The following C12orf56 variants were observed in gnomAD, a reference collection of about 807,000 sequenced individuals.
The protein encoded by C12orf56 is uncharacterized protein C12orf56.
Under a neutral mutation model 69.9 loss-of-function variants are expected in C12orf56, and 71 were observed. The observed-to-expected ratio is 1.02, with a 90% CI of 0.84 to 1.24. The LOEUF (loss-of-function observed/expected upper bound fraction) is 1.24. Among genes scored for constraint, C12orf56 ranks in the 50% most tolerant of loss-of-function variants. The pLI, the probability that C12orf56 is intolerant of heterozygous loss-of-function variation, is 0.00. For synonymous variants in C12orf56, 276 were observed against 274.1 expected (o/e 1.01, Z -0.07); for missense variants, 732 against 738.5 (o/e 0.99, Z 0.10).
intron 2 of C12orf56, among the ~76,000 whole-genome samples, chr12:64,336,977 C>G (rs943815501): frequency 2.0e-5 from 3 of 152,172 alleles, no homozygotes; most frequent in African/African-American, 7.2e-5. Flanking sequence ...GATGAGGAAA[C>G]TGAGACTCAT....
chr12:64,330,523 C>T (rs530797769), intron 3 of C12orf56, among the ~76,000 whole-genome samples: 1 of 152,256 alleles, frequency 6.6e-6, no homozygotes, highest in South Asian at 2.1e-4. Context: ...ATTGCTCAGA[C>T]TCATTCAGGA....
chr12:64,338,359 A>G, intron 2 of C12orf56: 1 of 637,438 alleles, frequency 1.6e-6, no homozygotes, highest in Non-Finnish European at 3.0e-6. Flanking sequence ...TGGAGTTGAG[A>G]TATATAATGG....
chr12:64,358,873 T>C (rs926342271), intron 1 of C12orf56, among the ~76,000 whole-genome samples: 3 of 152,144 alleles, frequency 2.0e-5, no homozygotes, highest in African/African-American at 7.2e-5. Context: ...AACAGAAACA[T>C]TTAATTCAAC....
At chr12:64,303,134 C>T (rs1216819889) in intron 6 of C12orf56, among the ~76,000 whole-genome samples, 1 of 151,660 alleles carries the variant, frequency 6.6e-6, no homozygotes, top group Non-Finnish European at 1.5e-5. Flanking sequence ...ATTAGCTGGG[C>T]GTGGTAGTGG....
chr12:64,304,890 C>T (rs926499398), intron 5 of C12orf56, among the ~76,000 whole-genome samples: 1 of 152,112 alleles, frequency 6.6e-6, no homozygotes, highest in East Asian at 1.9e-4. Context: ...TGCAAGGTAA[C>T]AGTAGGAAAG....
intron 1 of C12orf56, among the ~76,000 whole-genome samples, chr12:64,380,529 T>C (rs2039706569): frequency 1.3e-5 from 2 of 152,152 alleles, no homozygotes; most frequent in African/African-American, 4.8e-5. Context: ...ACATTTACCA[T>C]GGGAGATAGA....
At chr12:64,303,966 G>T (rs1371908641) in intron 5 of C12orf56, among the ~76,000 whole-genome samples, 187 bp from the exon 6 acceptor site, 5 of 152,054 alleles carry the variant, frequency 3.3e-5, no homozygotes, top group African/African-American at 4.8e-5. Flanking sequence ...TGTTTATTAC[G>T]CTCCAAACAT....
At chr12:64,328,702 AAAAAATATATATATATATATATAT>A (rs1197140909) in intron 3 of C12orf56, among the ~76,000 whole-genome samples, 3,298 of 26,444 alleles carry the variant, frequency 0.12, 293 homozygotes, top group Non-Finnish European at 0.16. Context: ...AAAAAAAAAA[AAAAAATATATATATATATATATAT>A]ATATATATAT....
intron 1 of C12orf56, among the ~76,000 whole-genome samples, chr12:64,367,599 G>C (rs1463707774): frequency 6.6e-6 from 1 of 150,406 alleles, no homozygotes; most frequent in Non-Finnish European, 1.5e-5. Context: ...TTTGCCTCCT[G>C]GGTTCAAGCG....
intron 1 of C12orf56, among the ~76,000 whole-genome samples, chr12:64,368,780 G>T (rs556041155): frequency 1.3e-5 from 2 of 152,278 alleles, no homozygotes; most frequent in South Asian, 4.1e-4. Flanking sequence ...CAGGAAATCT[G>T]ATTTCTAGTG....
At chr12:64,367,889 C>T (rs1397043364) in intron 1 of C12orf56, among the ~76,000 whole-genome samples, 2 of 150,990 alleles carry the variant, frequency 1.3e-5, no homozygotes, top group East Asian at 1.9e-4. Context: ...CTCACTGCAA[C>T]CTCTACCTCC....
intron 6 of C12orf56, among the ~76,000 whole-genome samples, chr12:64,295,023 C>T (rs1238549756): frequency 6.6e-6 from 1 of 151,888 alleles, no homozygotes; most frequent in African/African-American, 2.4e-5. Flanking sequence ...TCTGGGATTA[C>T]AGGTGCATGC....
intron 6 of C12orf56, among the ~76,000 whole-genome samples, chr12:64,289,641 C>T (rs2038262655): frequency 2.1e-5 from 1 of 48,482 alleles, no homozygotes; most frequent in African/African-American, 5.4e-5. Flanking sequence ...TGTTTATATG[C>T]TGGATTACAT....
chr12:64,359,346 C>T (rs1174758918), intron 1 of C12orf56, among the ~76,000 whole-genome samples: 1 of 152,130 alleles, frequency 6.6e-6, no homozygotes, highest in African/African-American at 2.4e-5. Context: ...TACAAAGGCT[C>T]CCATGTCACA....
At chr12:64,363,619 C>T (rs924629334) in intron 1 of C12orf56, among the ~76,000 whole-genome samples, 2 of 152,130 alleles carry the variant, frequency 1.3e-5, no homozygotes, top group Non-Finnish European at 2.9e-5. Flanking sequence ...TTCTCAATGC[C>T]GTGCCACCTA....
intron 2 of C12orf56, among the ~76,000 whole-genome samples, chr12:64,350,310 C>T (rs2039205768): frequency 6.6e-6 from 1 of 151,990 alleles, no homozygotes; most frequent in Non-Finnish European, 1.5e-5. Context: ...ATGACCTGTA[C>T]CCCAATAACC....
chr12:64,345,600 G>C (rs1467299224), intron 2 of C12orf56, among the ~76,000 whole-genome samples: 2 of 152,154 alleles, frequency 1.3e-5, no homozygotes, highest in East Asian at 1.9e-4. Context: ...TGCATGATAA[G>C]AGCTTGTGTC....
intron 3 of C12orf56, among the ~76,000 whole-genome samples, chr12:64,326,858 C>T (rs868512622): frequency 6.6e-6 from 1 of 152,194 alleles, no homozygotes; most frequent in African/African-American, 2.4e-5. Flanking sequence ...TATTTGTCCC[C>T]TCCAAAACTT....
At chr12:64,353,617 A>G (rs1386626599) in intron 1 of C12orf56, among the ~76,000 whole-genome samples, 4 of 152,222 alleles carry the variant, frequency 2.6e-5, no homozygotes, top group Admixed American at 2.0e-4. Context: ...GAATTGCTAC[A>G]TAAACACTAA....
Sources: allele counts gnomAD v4.1 joint callset (sites outside exome capture counted in the v4.1 genomes callset), GRCh38; gene constraint gnomAD v4.1.1; transcripts MANE v1.5; gene names NCBI Gene and HGNC (gene_info 2026-07-23, HGNC 2026-07-21).